The following CTNND2 variants were observed in gnomAD, a reference collection of about 807,000 sequenced individuals.
The protein encoded by CTNND2 is catenin delta-2.
A neutral mutation model predicts 144.4 loss-of-function variants in CTNND2; 22 were observed. That is an observed-to-expected ratio of 0.15 (90% CI 0.11 to 0.22). CTNND2 has a LOEUF of 0.22. Among genes scored for constraint, CTNND2 ranks in the 10% least tolerant of loss-of-function variants. CTNND2 has a pLI of 1.00. For synonymous variants in CTNND2, 751 were observed against 695.6 expected, an observed-to-expected ratio of 1.08 and a Z score of -1.25; for missense variants, 1,353 against 1,618.8, an observed-to-expected ratio of 0.84 and a Z score of 2.82.
At chr5:11,817,981 G>GT (rs35360011) in intron 1 of CTNND2, among the ~76,000 whole-genome samples, 3,177 of 31,870 alleles carry the variant, frequency 0.1, 335 homozygotes, top group East Asian at 0.2. Context: ...ATTATGAGGT[G>GT]TTTTTTTTTT....
chr5:11,279,962 C>A (rs1309405847), intron 9 of CTNND2, among the ~76,000 whole-genome samples: 1 of 152,126 alleles, frequency 6.6e-6, no homozygotes, highest in Non-Finnish European at 1.5e-5. Context: ...CAGTCACCTC[C>A]CACCAGGCCC....
chr5:11,331,071 T>C (rs1182021267), intron 9 of CTNND2, among the ~76,000 whole-genome samples: 1 of 152,220 alleles, frequency 6.6e-6, no homozygotes, highest in African/African-American at 2.4e-5. Flanking sequence ...AAAAATCCCA[T>C]GCTTTGTATT....
At chr5:11,471,287 A>G (rs914941640) in intron 3 of CTNND2, among the ~76,000 whole-genome samples, 2 of 151,934 alleles carry the variant, frequency 1.3e-5, no homozygotes, top group African/African-American at 4.8e-5. Context: ...CAAAGTCTAT[A>G]ATTTTAATGC....
At chr5:11,641,613 C>G (rs968701588) in intron 2 of CTNND2, among the ~76,000 whole-genome samples, 1 of 144,348 alleles carries the variant, frequency 6.9e-6, no homozygotes, top group Non-Finnish European at 1.5e-5. Flanking sequence ...TATACATATA[C>G]GTGTGTGTAT....
At chr5:11,467,074 C>T (rs61757531) in intron 3 of CTNND2, among the ~76,000 whole-genome samples, 1,704 of 152,340 alleles carry the variant, frequency 0.011, 38 homozygotes, top group African/African-American at 0.039. Context: ...CTCACTGAAG[C>T]CATACAAAAA....
At chr5:11,830,795 G>T (rs1192284874) in intron 1 of CTNND2, among the ~76,000 whole-genome samples, 2 of 151,990 alleles carry the variant, frequency 1.3e-5, no homozygotes, top group African/African-American at 2.4e-5. Flanking sequence ...CGCACCTCCA[G>T]CAACTCCTAG....
chr5:11,568,758 G>A (rs1205037552), intron 2 of CTNND2, among the ~76,000 whole-genome samples: 4 of 152,192 alleles, frequency 2.6e-5, no homozygotes, highest in Non-Finnish European at 5.9e-5. Context: ...TTTGGGGTTT[G>A]AGGGAGGACA....
At position 11,544,841 on chromosome 5, in the gene CTNND2, G is replaced by A. The variant is rs540445612; in HGVS notation, c.287+20103C>T. On this transcript the variant is annotated intron_variant, in intron 3 of 21. Coordinates refer to ENST00000304623, the MANE Select transcript of CTNND2 (RefSeq NM_001332.4). ...TCCACTAAAAATACAAAAATTAGCCGGGCGTGGTGGCTCACGCCTGAAATC... is the reference window on the plus strand; with the variant it reads ...TCCACTAAAAATACAAAAATTAGCCAGGCGTGGTGGCTCACGCCTGAAATC... 1.8e-4 allele frequency among the ~76,000 whole-genome samples: 27 copies of A among 151,902 alleles called. No homozygotes were observed. The South Asian group carries it at 2.3e-3, about 13-fold the overall frequency.
intron 1 of CTNND2, among the ~76,000 whole-genome samples, chr5:11,774,216 C>T (rs1363760490): frequency 6.6e-6 from 1 of 151,980 alleles, no homozygotes; most frequent in Non-Finnish European, 1.5e-5. Flanking sequence ...GAGAATAAAA[C>T]AATGTTCTTG....
At chr5:11,003,088 C>A (rs1015293782) in intron 18 of CTNND2, among the ~76,000 whole-genome samples, 1 of 152,124 alleles carries the variant, frequency 6.6e-6, no homozygotes, top group Non-Finnish European at 1.5e-5. Context: ...CCTCAGTGGC[C>A]ATACACAGAC....
Position 11,759,607 on chromosome 5 carries a change from T to C in CTNND2, c.38-27335A>G, listed in dbSNP as rs185703402. Among the ~76,000 whole-genome samples the C allele has an allele frequency of 5.6e-4, 85 of 152,228 alleles. 1 individual carries two copies. Among genetic ancestry groups the C allele is most frequent in the Non-Finnish European group, 1.3e-4 (9 of 68,008 alleles). ...AAAAAGCAATAAAAATGCATATCAG[T>C]GTCATACTGATCTCAGCATGTATGC... On this transcript the variant is annotated intron_variant, in intron 1 of 21. Coordinates refer to ENST00000304623, the MANE Select transcript of CTNND2 (RefSeq NM_001332.4).
intron 9 of CTNND2, among the ~76,000 whole-genome samples, chr5:11,256,445 A>C (rs1261399242): frequency 6.6e-6 from 1 of 152,152 alleles, no homozygotes; most frequent in African/African-American, 2.4e-5. Flanking sequence ...TCCTCTACTC[A>C]ACAGTAAACT....
chr5:11,632,834 G>C (rs951129261), intron 2 of CTNND2, among the ~76,000 whole-genome samples: 1 of 152,168 alleles, frequency 6.6e-6, no homozygotes, highest in Admixed American at 6.5e-5. Flanking sequence ...AAATTCTGGA[G>C]TTAAGAAGTA....
In CTNND2 at chr5:11,704,068, A is replaced by C. The variant is rs181962116; in HGVS notation, c.174+28068T>G. ...TTCAGAGGACAGGGAAAAAGAAAGG[A>C]AATGATTTTTCATCAAAAATGTGAA... On this transcript the variant is annotated intron_variant, in intron 2 of 21. Coordinates refer to ENST00000304623, the MANE Select transcript of CTNND2 (RefSeq NM_001332.4). 3.9e-4 allele frequency among the ~76,000 whole-genome samples: 59 copies of C among 152,344 alleles called. 1 individual carries two copies. In the East Asian group the frequency reaches 0.011, roughly 29 times the overall value.
At chr5:11,645,517 T>C (rs993874690) in intron 2 of CTNND2, among the ~76,000 whole-genome samples, 5 of 152,230 alleles carry the variant, frequency 3.3e-5, no homozygotes, top group Admixed American at 2.6e-4. Flanking sequence ...CGTGAATGAT[T>C]CCTTATCTAG....
chr5:11,201,781 T>C (rs1737469156), intron 10 of CTNND2, among the ~76,000 whole-genome samples: 1 of 152,140 alleles, frequency 6.6e-6, no homozygotes, highest in Non-Finnish European at 1.5e-5. Context: ...TCAAGGATCT[T>C]TTGGGTCAAA....
chr5:11,862,603 A>G lies in CTNND2; in HGVS notation c.37+41214T>C, dbSNP rs202042084. On this transcript the variant is annotated intron_variant, in intron 1 of 21. Transcript: ENST00000304623. ...CTTGCCCTATAATCCTAAAAGGTTG[A>G]TATTTTTGAAGAGTTACTCAAAAAA... 2.0e-5 allele frequency among the ~76,000 whole-genome samples: 3 copies of G among 152,328 alleles called. No homozygotes were observed. The East Asian group carries it at 5.8e-4, about 29-fold the overall frequency.
At chr5:11,877,577 G>A (rs572560993) in intron 1 of CTNND2, among the ~76,000 whole-genome samples, 8 of 151,988 alleles carry the variant, frequency 5.3e-5, no homozygotes, top group Admixed American at 1.3e-4. Context: ...ATTTGAATAC[G>A]CTTGAAGATT....
chr5:11,298,284 C>T (rs1249093489), intron 9 of CTNND2, among the ~76,000 whole-genome samples: 1 of 152,164 alleles, frequency 6.6e-6, no homozygotes, highest in Non-Finnish European at 1.5e-5. Flanking sequence ...GTTCCTCCCA[C>T]CTCAGCCCCC....
Sources: gnomAD v4.1 joint callset for allele counts (sites outside exome capture counted in the v4.1 genomes callset) on GRCh38, gnomAD v4.1.1 for gene constraint, MANE v1.5 for transcripts, NCBI Gene and HGNC (gene_info 2026-07-23, HGNC 2026-07-21) for gene names.